The following DPP10 variants were observed in gnomAD, a reference collection of about 807,000 sequenced individuals.
DPP10 encodes the protein dipeptidyl peptidase like 10.
Under a neutral mutation model 120.9 loss-of-function variants are expected in DPP10, and 33 were observed. That is an observed-to-expected ratio of 0.27 (90% confidence interval 0.21 to 0.37). DPP10 has a LOEUF of 0.37. Ranked by LOEUF, DPP10 falls within the 10% of genes least tolerant of loss-of-function variation. The pLI is 1.00. For synonymous variants in DPP10, 337 were observed against 326.1 expected, an observed-to-expected ratio of 1.03 and a Z score of -0.36; for missense variants, 816 against 942.8, an observed-to-expected ratio of 0.87 and a Z score of 1.76.
At chr2:115,763,859 A>C (rs115971628) in intron 12 of DPP10, among the ~76,000 whole-genome samples, 1 of 152,216 alleles carries the variant, frequency 6.6e-6, no homozygotes, top group African/African-American at 2.4e-5. Flanking sequence ...AAGCTTTTTC[A>C]GCTCTGAGTC....
intron 1 of DPP10, among the ~76,000 whole-genome samples, chr2:115,019,255 A>G (rs1702894857): frequency 6.6e-6 from 1 of 152,238 alleles, no homozygotes; most frequent in African/African-American, 2.4e-5. Context: ...GTCTTAATAA[A>G]TTATCAAATA....
chr2:114,984,007 T>C (rs1558953590), intron 1 of DPP10, among the ~76,000 whole-genome samples: 1 of 152,196 alleles, frequency 6.6e-6, no homozygotes. Context: ...TGAAATGGTA[T>C]GGGTGCTTAG....
At chr2:115,210,605 C>T (rs897946048) in intron 1 of DPP10, among the ~76,000 whole-genome samples, 2 of 152,152 alleles carry the variant, frequency 1.3e-5, no homozygotes, top group Non-Finnish European at 2.9e-5. Context: ...CTGTCTTCCA[C>T]AATGGTTGAA....
intron 1 of DPP10, among the ~76,000 whole-genome samples, chr2:114,570,556 T>C (rs1413041622): frequency 2.0e-5 from 3 of 152,082 alleles, no homozygotes; most frequent in Non-Finnish European, 2.9e-5. Flanking sequence ...CCGGGCATGG[T>C]GGCTCACGCC....
At chr2:114,554,840 T>A (rs1688161995) in intron 1 of DPP10, among the ~76,000 whole-genome samples, 1 of 152,200 alleles carries the variant, frequency 6.6e-6, no homozygotes, top group Admixed American at 6.5e-5. Context: ...CATTTGCTTT[T>A]CTGATTAATC....
At chr2:114,464,898 C>T (rs1427056994) in intron 1 of DPP10, among the ~76,000 whole-genome samples, 5 of 152,002 alleles carry the variant, frequency 3.3e-5, no homozygotes, top group Admixed American at 1.3e-4. Context: ...AATAATTATC[C>T]ATTATATTGT....
chr2:114,939,304 T>G (rs7582490), intron 1 of DPP10, among the ~76,000 whole-genome samples: 2,801 of 152,140 alleles, frequency 0.018, 86 homozygotes, highest in African/African-American at 0.062. Context: ...TCTTGTTCAT[T>G]TTTAGAAATA....
chr2:114,442,709 A>G lies in DPP10; in HGVS notation c.-70A>G, dbSNP rs1677724317. On this transcript the variant is annotated 5_prime_UTR_variant, in exon 1 of 26. It adds an upstream start codon to the 5' untranslated region. Transcript: ENST00000410059. ...GCAGCAGCCCCTACTGAAGTCCAAT[A>G]GAGGAGACTTGATCTCTAGTTCATT... 6.3e-7 allele frequency: 1 copy of G among 1,585,388 alleles called. No individual in the cohort carries two copies. The highest frequency in any genetic ancestry group is 1.3e-5 in the African/African-American group (1 of 74,358).
At chr2:114,896,086 G>A (rs1324473030) in intron 1 of DPP10, among the ~76,000 whole-genome samples, 1 of 152,028 alleles carries the variant, frequency 6.6e-6, no homozygotes, top group Non-Finnish European at 1.5e-5. Context: ...CTGTTCCATT[G>A]ATCTATATCT....
At chr2:115,829,277 G>C (rs62156345) in intron 21 of DPP10, among the ~76,000 whole-genome samples, 12,338 of 152,116 alleles carry the variant, frequency 0.081, 669 homozygotes, top group Non-Finnish European at 0.12. Flanking sequence ...CAGTTTCCTA[G>C]CTCCGTTGGT....
chr2:115,802,206 C>A (rs190752323), intron 19 of DPP10, among the ~76,000 whole-genome samples: 218 of 152,284 alleles, frequency 1.4e-3, no homozygotes, highest in African/African-American at 4.9e-3. Flanking sequence ...TCTAGATTTT[C>A]TATTTTATTT....
chr2:114,786,172 G>C (rs1275048503), intron 1 of DPP10, among the ~76,000 whole-genome samples: 1 of 152,196 alleles, frequency 6.6e-6, no homozygotes, highest in Non-Finnish European at 1.5e-5. Flanking sequence ...TATTAGGGAA[G>C]AAATCAACTG....
chr2:115,833,306 G>A (rs1306844041), intron 21 of DPP10, among the ~76,000 whole-genome samples: 1 of 152,078 alleles, frequency 6.6e-6, no homozygotes, highest in Admixed American at 6.6e-5. Context: ...GGCCATCATG[G>A]TATTGTTAAT....
chr2:114,613,005 A>C (rs946321740), intron 1 of DPP10, among the ~76,000 whole-genome samples: 1 of 152,182 alleles, frequency 6.6e-6, no homozygotes, highest in African/African-American at 2.4e-5. Context: ...TCACACCCAA[A>C]TATCTAATCA....
intron 1 of DPP10, among the ~76,000 whole-genome samples, chr2:115,273,376 C>T (rs1487151920): frequency 2.0e-5 from 3 of 152,122 alleles, no homozygotes; most frequent in African/African-American, 7.2e-5. Flanking sequence ...GAGTCTCCCT[C>T]TGTGGCCCAG....
In DPP10 at chr2:115,791,107, A is replaced by G. The variant is rs776872353; in HGVS notation, c.1558A>G (p.Met520Val). The G allele has an allele frequency of 6.8e-6, 11 of 1,613,282 alleles. No individual in the cohort carries two copies. Among genetic ancestry groups the G allele is most frequent in the South Asian group, 2.2e-5 (2 of 91,012 alleles). ...ATATTTTATATTGGAAAGCAATTCT[A>G]TGCTGAAGGAAGCTATCCTGAAGAA... The part of the protein sequence containing the change: ...AKYFILESNS[M>V]LKEAILKKKI... The change falls in exon 18 of 26, where the codon ATG becomes GTG. Residue 520 changes from methionine to valine, a missense_variant. By Grantham distance (21) the Met-to-Val change is conservative (BLOSUM62 1). Transcript: ENST00000410059.
chr2:115,256,664 A>G (rs1228615764), intron 1 of DPP10, among the ~76,000 whole-genome samples: 2 of 152,204 alleles, frequency 1.3e-5, no homozygotes, highest in South Asian at 2.1e-4. Flanking sequence ...TGTCTTGTCT[A>G]TCAGCACCTG....
At chr2:115,764,379 CT>C (rs2149797107) in intron 12 of DPP10, among the ~76,000 whole-genome samples, 1 of 151,840 alleles carries the variant, frequency 6.6e-6, no homozygotes, top group African/African-American at 2.4e-5. Flanking sequence ...ACATGGTTAT[CT>C]ATTAATATAA....
intron 3 of DPP10, among the ~76,000 whole-genome samples, chr2:115,366,602 A>G (rs1317309716): frequency 3.3e-5 from 5 of 152,022 alleles, no homozygotes; most frequent in Non-Finnish European, 7.4e-5. Flanking sequence ...CCTTAGGATG[A>G]TGTTGTATTT....
Sources: allele counts gnomAD v4.1 joint callset (sites outside exome capture counted in the v4.1 genomes callset), GRCh38; gene constraint gnomAD v4.1.1; transcripts MANE v1.5; gene names NCBI Gene and HGNC (gene_info 2026-07-23, HGNC 2026-07-21).